Variants in STAB2 observed in about 807,000 individuals in gnomAD.
The protein encoded by STAB2 is stabilin 2.
In STAB2, 288 loss-of-function variants were observed where a neutral mutation model predicts 338.1. The ratio of observed to expected loss-of-function variants is 0.85; its 90% CI spans 0.77 to 0.94. The LOEUF (loss-of-function observed/expected upper bound fraction) is 0.94. Ranked by LOEUF, STAB2 falls within the 40% of genes least tolerant of loss-of-function variation. The pLI is 0.00. For missense variants in STAB2, 3,141 were observed against 3,210.1 expected, an observed-to-expected ratio of 0.98 and a Z score of 0.52; for synonymous variants, 1,202 against 1,193.3, an observed-to-expected ratio of 1.01 and a Z score of -0.15.
At position 103,759,296 on chromosome 12, in the gene STAB2, T is replaced by TG. The variant is rs756896517; in HGVS notation, c.7248+28dup. The TG allele has an allele frequency of 7.5e-6, 12 of 1,610,586 alleles. No homozygotes were observed. The East Asian group carries it at 1.6e-4, about 21-fold the overall frequency. ...CCGGTACAAAGTCTTCTGGGCTTCT[T>TG]GGGGGAACGGGAGATAATGCATGCA... On this transcript the variant is annotated intron_variant, in intron 65 of 68. Transcript: ENST00000388887.
intron 12 of STAB2, among the ~76,000 whole-genome samples, chr12:103,653,710 A>AGATGGATGGATG (rs61343465): frequency 0.045 from 5,498 of 123,016 alleles, 226 homozygotes; most frequent in East Asian, 0.076. Flanking sequence ...ATGGATGGAT[A>AGATGGATGGATG]GATGGATGGA....
At chr12:103,693,153 C>T (rs1878102681) in intron 31 of STAB2, among the ~76,000 whole-genome samples, 2 of 152,122 alleles carry the variant, frequency 1.3e-5, no homozygotes, top group Admixed American at 6.6e-5. Context: ...TTTATGGAAA[C>T]ATCTCAAAAG....
intron 26 of STAB2, 85 bp downstream of exon 26, chr12:103,683,385 T>C: frequency 8.0e-7 from 1 of 1,249,638 alleles, no homozygotes; most frequent in South Asian, 1.5e-5. Flanking sequence ...CTGTCTGGCC[T>C]AGTGATGAAC....
chr12:103,649,311 G>A (rs1873564762), intron 10 of STAB2, among the ~76,000 whole-genome samples: 1 of 151,954 alleles, frequency 6.6e-6, no homozygotes, highest in Non-Finnish European at 1.5e-5. Flanking sequence ...AGCACCCTTG[G>A]TCCCCCAGTC....
chr12:103,677,422 A>G, intron 24 of STAB2, 31 bp from the exon 25 acceptor site: 1 of 1,589,798 alleles, frequency 6.3e-7, no homozygotes, highest in South Asian at 1.1e-5. Flanking sequence ...CTGAGGATTC[A>G]GAGGCTTTGC....
chr12:103,693,928 G>A (rs565398405), intron 31 of STAB2, among the ~76,000 whole-genome samples: 10 of 151,894 alleles, frequency 6.6e-5, no homozygotes, highest in Admixed American at 4.6e-4. Flanking sequence ...CGAGGCGGGC[G>A]GATCACAAGG....
At chr12:103,615,096 C>T (rs912611467) in intron 3 of STAB2, among the ~76,000 whole-genome samples, 2 of 152,188 alleles carry the variant, frequency 1.3e-5, no homozygotes, top group Non-Finnish European at 2.9e-5. Context: ...GTTTCATCTG[C>T]TTTCTAAGCC....
At chr12:103,650,403 G>A (rs531551530) in intron 10 of STAB2, 93 bp from the exon 11 acceptor site, 70 of 975,650 alleles carry the variant, frequency 7.2e-5, no homozygotes, top group Middle Eastern at 2.2e-4. Context: ...TAAATGGACC[G>A]GTCGTGACCC....
At chr12:103,691,675 C>G (rs1317017403) in intron 30 of STAB2, among the ~76,000 whole-genome samples, 1 of 152,186 alleles carries the variant, frequency 6.6e-6, no homozygotes, top group Non-Finnish European at 1.5e-5. Context: ...GTAAATCAAT[C>G]AAGGCCCTTG....
chr12:103,653,563 G>C (rs983192350), intron 12 of STAB2, among the ~76,000 whole-genome samples: 1 of 149,086 alleles, frequency 6.7e-6, no homozygotes, highest in Non-Finnish European at 1.5e-5. Context: ...TGGATACATG[G>C]ATAGGTCACT....
At chr12:103,719,952 C>T (rs1210028330) in intron 44 of STAB2, among the ~76,000 whole-genome samples, 1 of 152,174 alleles carries the variant, frequency 6.6e-6, no homozygotes, top group Non-Finnish European at 1.5e-5. Flanking sequence ...ATATTACTTC[C>T]CACCTGAGAG....
At chr12:103,640,431 A>G (rs1164260467) in intron 9 of STAB2, among the ~76,000 whole-genome samples, 175 bp downstream of exon 9, 3 of 152,212 alleles carry the variant, frequency 2.0e-5, no homozygotes, top group Non-Finnish European at 4.4e-5. Flanking sequence ...TTAATTAATT[A>G]AACACTCAAC....
In STAB2 at chr12:103,676,058, CTTTTTTTTT is replaced by C. The variant is rs35874368; in HGVS notation, c.2646+50_2646+58del. ...TCTTCATTTCCACCCTGCCTGGTTTCTTTTTTTTTTTTTTTTTTTTTGAGACAGAGTCTC... is the reference window on the plus strand; with the variant it reads ...TCTTCATTTCCACCCTGCCTGGTTTCTTTTTTTTTTTTGAGACAGAGTCTC... On this transcript the variant is annotated intron_variant, in intron 24 of 68. Coordinates refer to ENST00000388887, the MANE Select transcript of STAB2 (RefSeq NM_017564.10). The C allele has an allele frequency of 1.3e-5, 9 of 669,376 alleles. No individual in the cohort carries two copies. The East Asian group carries it at 1.7e-4, about 13-fold the overall frequency. 41.5% of individuals were successfully genotyped at this position (669,376 alleles called of 1,614,324 possible). A position where few individuals can be genotyped will look rare whatever the true frequency, so the allele number is the denominator to read the frequency against.
At chr12:103,598,262 C>T (rs1487535481) in intron 3 of STAB2, among the ~76,000 whole-genome samples, 4 of 152,190 alleles carry the variant, frequency 2.6e-5, no homozygotes, top group African/African-American at 7.2e-5. Flanking sequence ...GGAATAGGCA[C>T]CTCTAGAGTT....
chr12:103,653,500 T>A (rs975676059), intron 12 of STAB2, among the ~76,000 whole-genome samples: 9 of 152,180 alleles, frequency 5.9e-5, no homozygotes, highest in African/African-American at 2.2e-4. Context: ...TTAACCAATC[T>A]GCTGCAGTGC....
chr12:103,690,104 G>A, intron 29 of STAB2, 122 bp downstream of exon 29: 1 of 1,385,204 alleles, frequency 7.2e-7, no homozygotes, highest in Non-Finnish European at 9.7e-7. Flanking sequence ...CATGTTCTAG[G>A]ATTCTCCTTT....
chr12:103,739,408 C>T lies in STAB2; in HGVS notation c.5698-4C>T, dbSNP rs1460813715. 1.3e-6 allele frequency: 2 copies of T among 1,582,286 alleles called. No homozygotes were observed. The highest frequency in any genetic ancestry group is 3.7e-5 in the Admixed American group (2 of 54,322). On this transcript the variant is annotated splice_region_variant and splice_polypyrimidine_tract_variant and intron_variant, in intron 53 of 68. Coordinates refer to ENST00000388887, the MANE Select transcript of STAB2 (RefSeq NM_017564.10). ...TTTCAAGTGTTTCTTTTCTTGCATA[C>T]TAGGGGGAGTGTGGGAGCTGTGTCA...
chr12:103,631,771 A>C (rs961449823), intron 6 of STAB2, 78 bp downstream of exon 6: 3 of 1,420,700 alleles, frequency 2.1e-6, no homozygotes, highest in African/African-American at 2.8e-5. Flanking sequence ...TGTATCTGTT[A>C]CTGGTTCTCT....
intron 5 of STAB2, among the ~76,000 whole-genome samples, chr12:103,623,268 GGT>G (rs1282365110): frequency 6.6e-6 from 1 of 152,142 alleles, no homozygotes; most frequent in Non-Finnish European, 1.5e-5. Context: ...GCCATAGTGT[GGT>G]GGGCAGAATA....
Sources: allele counts gnomAD v4.1 joint callset (sites outside exome capture counted in the v4.1 genomes callset), GRCh38; gene constraint gnomAD v4.1.1; transcripts MANE v1.5; gene names NCBI Gene and HGNC (gene_info 2026-07-23, HGNC 2026-07-21).